SRGAP3: variants seen among roughly 807,000 people sequenced by gnomAD.
SRGAP3 encodes SLIT-ROBO Rho GTPase-activating protein 3.
A neutral mutation model predicts 121.1 loss-of-function variants in SRGAP3; 39 were observed. That is an observed-to-expected ratio of 0.32 (90% CI 0.25 to 0.42). The LOEUF is 0.42. SRGAP3 is among the 10% of genes least tolerant of loss of function. The pLI, the probability that SRGAP3 is intolerant of heterozygous loss-of-function variation, is 1.00. For missense variants in SRGAP3, 1,213 were observed against 1,470.6 expected, an observed-to-expected ratio of 0.82 and a Z score of 2.86; for synonymous variants, 601 against 570.0, an observed-to-expected ratio of 1.05 and a Z score of -0.77.
At chr3:9,081,377 C>T (rs1316821460) in intron 3 of SRGAP3, 3 of 435,490 alleles carry the variant, frequency 6.9e-6, no homozygotes. Context: ...GATCTAGCTT[C>T]TCATTTCCAC....
At chr3:9,118,437 C>G (rs939004604) in intron 2 of SRGAP3, among the ~76,000 whole-genome samples, 1 of 152,138 alleles carries the variant, frequency 6.6e-6, no homozygotes, top group Non-Finnish European at 1.5e-5. Flanking sequence ...CCCATATGTG[C>G]TGCCTGCTAC....
At chr3:9,021,851 A>C (rs1368366597) in intron 14 of SRGAP3, among the ~76,000 whole-genome samples, 1 of 152,208 alleles carries the variant, frequency 6.6e-6, no homozygotes, top group African/African-American at 2.4e-5. Context: ...GCAATTCTGG[A>C]GGTTGAGGCG....
At chr3:9,146,742 A>C (rs1213688206) in intron 1 of SRGAP3, among the ~76,000 whole-genome samples, 1 of 152,232 alleles carries the variant, frequency 6.6e-6, no homozygotes, top group Non-Finnish European at 1.5e-5. Flanking sequence ...AGAGAGCACC[A>C]GGACCAGGTG....
rs372779045 is a variant in SRGAP3 at position 9,150,373 on chromosome 3, C to T, written c.68-25456G>A. ...GAGAGGAAAAGGGAGCCTGGAGAGGCCAGCACCGAGAAGACCCAATCTTCA... is the reference window on the plus strand; with the variant it reads ...GAGAGGAAAAGGGAGCCTGGAGAGGTCAGCACCGAGAAGACCCAATCTTCA... On this transcript the variant is annotated intron_variant, in intron 1 of 21. Coordinates refer to ENST00000383836, the MANE Select transcript of SRGAP3 (RefSeq NM_014850.4). 7.2e-5 allele frequency among the ~76,000 whole-genome samples: 11 copies of T among 152,090 alleles called. No homozygotes were observed. In the East Asian group the frequency reaches 1.2e-3, roughly 16 times the overall value.
chr3:9,037,311 A>G (rs1944794057), intron 11 of SRGAP3: 1 of 151,720 alleles, frequency 6.6e-6, no homozygotes, highest in Non-Finnish European at 1.5e-5. Flanking sequence ...ATAGAAATGA[A>G]ATAGGCTCTA....
intron 1 of SRGAP3, among the ~76,000 whole-genome samples, chr3:9,230,627 T>C (rs1246830953): frequency 1.3e-5 from 2 of 152,020 alleles, no homozygotes; most frequent in African/African-American, 4.8e-5. Flanking sequence ...TCGCAGCACT[T>C]TGGAAGGATA....
chr3:9,004,978 G>A (rs1942982759), intron 18 of SRGAP3, among the ~76,000 whole-genome samples: 1 of 152,176 alleles, frequency 6.6e-6, no homozygotes, highest in Non-Finnish European at 1.5e-5. Flanking sequence ...AAAAAGGCAA[G>A]CCACAGAATG....
At chr3:9,193,664 T>G (rs1185556348) in intron 1 of SRGAP3, 3 of 152,328 alleles carry the variant, frequency 2.0e-5, no homozygotes, top group Non-Finnish European at 4.4e-5. Context: ...ACAAAGGCTC[T>G]GGGGGCTGCA....
At chr3:9,327,575 A>G (rs1159863540) in intron 2 of SRGAP3, among the ~76,000 whole-genome samples, 1 of 152,260 alleles carries the variant, frequency 6.6e-6, no homozygotes, top group Non-Finnish European at 1.5e-5. Flanking sequence ...TGGTAAGTAT[A>G]GGATTTTAAT....
intron 1 of SRGAP3, among the ~76,000 whole-genome samples, chr3:9,356,822 A>G (rs974965851): frequency 3.3e-5 from 5 of 152,142 alleles, no homozygotes; most frequent in African/African-American, 1.2e-4. Flanking sequence ...ACATGATTTT[A>G]GATAGTACAA....
intron 6 of SRGAP3, chr3:9,059,527 GACAGGGCCAGC>G: frequency 1.3e-5 from 2 of 153,860 alleles, no homozygotes; most frequent in Non-Finnish European, 2.9e-5. Context: ...ACTAAACATG[GACAGGGCCAGC>G]TCCCCCATCG....
chr3:9,268,110 G>A (rs1487961374), intron 3 of SRGAP3, among the ~76,000 whole-genome samples: 2 of 152,142 alleles, frequency 1.3e-5, no homozygotes, highest in Non-Finnish European at 2.9e-5. Context: ...ATGTGAGTCA[G>A]CCTGGAAGCA....
At chr3:9,217,262 A>T (rs1351276488) in intron 1 of SRGAP3, 1 of 152,240 alleles carries the variant, frequency 6.6e-6, no homozygotes, top group African/African-American at 2.4e-5. Context: ...ATTATACCCC[A>T]GCCCTAAGGT....
chr3:9,315,969 G>A lies in SRGAP3; in HGVS notation n.442+10041C>T, dbSNP rs117156739. ...AATTCCTCTTTGGCAATGTAATTTT[G>A]CTCTGTCAAATACTTCACGAAAGTG... On this transcript the variant is annotated intron_variant and non_coding_transcript_variant, in intron 3 of 3. Coordinates refer to the SRGAP3 transcript ENST00000490889. 7.8e-3 allele frequency among the ~76,000 whole-genome samples: 1,182 copies of A among 152,296 alleles called. 35 individuals are homozygous for A. The East Asian group carries it at 0.079, about 10-fold the overall frequency.
At chr3:9,050,010 T>C (rs1945490641) in intron 9 of SRGAP3, among the ~76,000 whole-genome samples, 2 of 152,192 alleles carry the variant, frequency 1.3e-5, no homozygotes, top group African/African-American at 4.8e-5. Context: ...CAGCTAATTT[T>C]TGTATTTCTT....
chr3:9,066,992 A>C (rs1032791069), intron 4 of SRGAP3, among the ~76,000 whole-genome samples: 1 of 152,092 alleles, frequency 6.6e-6, no homozygotes, highest in African/African-American at 2.4e-5. Context: ...AACCTCTCTG[A>C]CCTCTGCTTC....
rs397795766 is a variant in SRGAP3, at chr3:9,142,829, C to CTTTTTTTTTTTTTT, written c.68-17926_68-17913dup. On this transcript the variant is annotated intron_variant, in intron 1 of 21. Coordinates refer to ENST00000383836, the MANE Select transcript of SRGAP3 (RefSeq NM_014850.4). ...GTCAACCAAGTTGGTGGGCAATTTC[C>CTTTTTTTTTTTTTT]TTTTTTTTTTTTTTTTTTTTTTTGA... Among the ~76,000 whole-genome samples the CTTTTTTTTTTTTTT allele has an allele frequency of 3.5e-4, 32 of 90,856 alleles. 2 individuals are homozygous for CTTTTTTTTTTTTTT. The highest frequency in any genetic ancestry group is 4.0e-4 in the Non-Finnish European group (20 of 50,500). The allele number at this position is 90,856 out of a possible 152,430, so 59.6% of individuals were successfully genotyped here.
chr3:9,147,444 C>T (rs1247664755), intron 1 of SRGAP3, among the ~76,000 whole-genome samples: 1 of 152,086 alleles, frequency 6.6e-6, no homozygotes, highest in Admixed American at 6.5e-5. Flanking sequence ...GACTGGGAAA[C>T]GGTGGTTGAG....
intron 1 of SRGAP3, among the ~76,000 whole-genome samples, chr3:9,144,948 A>C (rs936149849): frequency 6.6e-6 from 1 of 152,258 alleles, no homozygotes; most frequent in East Asian, 1.9e-4. Context: ...TGAAGGTTAC[A>C]TGTGCATTAT....
Sources: allele counts gnomAD v4.1 joint callset (sites outside exome capture counted in the v4.1 genomes callset), GRCh38; gene constraint gnomAD v4.1.1; transcripts MANE v1.5; gene names NCBI Gene and HGNC (gene_info 2026-07-23, HGNC 2026-07-21).